Variants in PCDHGA4 observed in about 807,000 individuals in gnomAD.
The protein encoded by PCDHGA4 is protocadherin gamma-A4.
In PCDHGA4, 38 loss-of-function variants were observed where a neutral mutation model predicts 54.6. That is an observed-to-expected ratio of 0.70 (90% confidence interval 0.54 to 0.91). PCDHGA4 has a LOEUF of 0.91. Ranked by LOEUF, PCDHGA4 falls within the 40% of genes least tolerant of loss-of-function variation. The pLI is 0.00. For synonymous variants in PCDHGA4, 511 were observed against 512.9 expected (o/e 1.00, Z 0.05); for missense variants, 1,298 against 1,220.9 (o/e 1.06, Z -0.94).
intron 1 of PCDHGA4, chr5:141,372,459 C>CT: frequency 6.2e-7 from 1 of 1,614,070 alleles, no homozygotes; most frequent in South Asian, 1.1e-5. Context: ...GGCGGAGCTA[C>CT]AGTTTCACCT....
chr5:141,364,154 G>T (rs1052849617), intron 1 of PCDHGA4: 10 of 590,840 alleles, frequency 1.7e-5, no homozygotes, highest in Admixed American at 3.8e-5. Flanking sequence ...AGAAGCTGCC[G>T]CAGAGGCGAC....
At chr5:141,434,667 G>A (rs1464226862) in intron 1 of PCDHGA4, among the ~76,000 whole-genome samples, 5 of 151,956 alleles carry the variant, frequency 3.3e-5, no homozygotes, top group African/African-American at 1.2e-4. Context: ...CTATAGAAAT[G>A]ATGCTAATGA....
At chr5:141,500,221 TTTA>T (rs1428029040) in intron 2 of PCDHGA4, among the ~76,000 whole-genome samples, 2 of 151,002 alleles carry the variant, frequency 1.3e-5, no homozygotes, top group Non-Finnish European at 2.9e-5. Flanking sequence ...TATTTATTTA[TTTA>T]TTGATACGTA....
intron 1 of PCDHGA4, chr5:141,399,671 C>T (rs764084700): frequency 1.2e-6 from 2 of 1,613,512 alleles, no homozygotes; most frequent in East Asian, 4.5e-5. Flanking sequence ...GCGCAGCGCG[C>T]CTTTGACTAC....
chr5:141,393,360 C>T, intron 1 of PCDHGA4: 1 of 1,613,968 alleles, frequency 6.2e-7, no homozygotes, highest in Non-Finnish European at 8.5e-7. Flanking sequence ...CCTGGACGTG[C>T]AGACTGGAGA....
chr5:141,400,371 C>A, intron 1 of PCDHGA4: 1 of 1,614,056 alleles, frequency 6.2e-7, no homozygotes, highest in South Asian at 1.1e-5. Flanking sequence ...CTTATTCCTA[C>A]AACCTATGTG....
chr5:141,361,403 C>T (rs376882541), intron 1 of PCDHGA4: 1 of 1,614,050 alleles, frequency 6.2e-7, no homozygotes, highest in Non-Finnish European at 8.5e-7. Context: ...CTCACCATCA[C>T]AGCCACCGAC....
At chr5:141,376,160 C>G in intron 1 of PCDHGA4, 1 of 1,614,010 alleles carries the variant, frequency 6.2e-7, no homozygotes, top group South Asian at 1.1e-5. Context: ...CACTCTGTAC[C>G]TGGTGGTGGC....
intron 1 of PCDHGA4, among the ~76,000 whole-genome samples, chr5:141,382,440 G>T (rs1184288404): frequency 6.6e-6 from 1 of 152,174 alleles, no homozygotes; most frequent in Non-Finnish European, 1.5e-5. Flanking sequence ...TCACTTGAAA[G>T]TTGCAAGGCA....
chr5:141,380,982 T>A (rs1776910305), intron 1 of PCDHGA4, among the ~76,000 whole-genome samples: 3 of 152,248 alleles, frequency 2.0e-5, no homozygotes, highest in Non-Finnish European at 2.9e-5. Flanking sequence ...AAATAGAATT[T>A]AACTCCAGTT....
rs147506725 is a variant in PCDHGA4, at chr5:141,442,240, G to A, written c.2515-52567G>A. Reference sequence around the variant, plus strand: ...CTTTAATTTCCTTTTTATTCTTCCTGATTGCATTGTTTGTGCTGGTTTTAA... The same window carrying A: ...CTTTAATTTCCTTTTTATTCTTCCTAATTGCATTGTTTGTGCTGGTTTTAA... On this transcript the variant is annotated intron_variant, in intron 1 of 3. Transcript: ENST00000571252. 1,291 of 153,334 alleles carry A rather than the reference G, an allele frequency of 8.4e-3. 26 individuals carry two copies. The highest frequency in any genetic ancestry group is 0.029 in the African/African-American group (1,208 of 41,552). 9.5% of individuals were successfully genotyped at this position (153,334 alleles called of 1,614,324 possible).
chr5:141,490,142 C>T lies in PCDHGA4; in HGVS notation c.2515-4665C>T. On this transcript the variant is annotated intron_variant, in intron 1 of 3. Transcript: ENST00000571252. This position sits in a 1 kb window ranked among gnomAD's most constrained non-coding sequence, Gnocchi z 5.4. ...TTTGGCCTAGACCCTAGCAGTGGGG[C>T]AATCCATGTGTTGGGTCCCATAGAC... 2 of 1,614,220 alleles carry T rather than the reference C, an allele frequency of 1.2e-6. No individual in the cohort carries two copies. Among genetic ancestry groups the T allele is most frequent in the South Asian group, 1.1e-5 (1 of 91,088 alleles).
Position 141,355,405 on chromosome 5 carries a change from A to C in PCDHGA4, c.298A>C (p.Arg100=), listed in dbSNP as rs759129732. ...GGAGCGCGGAGTCCGCATCGTCTCC[A>C]GAGGTAGGACGCAGCTTTTCGCCCT... The part of the protein sequence containing the change: ...LAERGVRIVS[R]GRTQLFALNP... Residue 100 remains arginine (R), a synonymous_variant, in exon 1 of 4, where the codon AGA becomes CGA. Coordinates refer to ENST00000571252, the MANE Select transcript of PCDHGA4 (RefSeq NM_018917.4). 1 of 1,614,100 alleles carries C rather than the reference A, an allele frequency of 6.2e-7. No individual in the cohort carries two copies. The highest frequency in any genetic ancestry group is 8.5e-7 in the Non-Finnish European group (1 of 1,179,928).
chr5:141,390,210 G>T, intron 1 of PCDHGA4: 1 of 1,614,046 alleles, frequency 6.2e-7, no homozygotes, highest in Non-Finnish European at 8.5e-7. Context: ...TTCAGGACAA[G>T]ACATACTTTG....
In PCDHGA4 at chr5:141,485,944, G is replaced by A; in HGVS notation, c.2515-8863G>A. 1.2e-6 allele frequency: 2 copies of A among 1,614,116 alleles called. No homozygotes were observed. The highest frequency in any genetic ancestry group is 1.7e-6 in the Non-Finnish European group (2 of 1,180,020). ...TTAGTGTGTTGGAGAGCGCACCAGC[G>A]GGCATGGTGCTCATCCAGCTCAATG... On this transcript the variant is annotated intron_variant, in intron 1 of 3. Coordinates refer to ENST00000571252, the MANE Select transcript of PCDHGA4 (RefSeq NM_018917.4). This position sits in a 1 kb window ranked among gnomAD's most constrained non-coding sequence, Gnocchi z 5.7.
chr5:141,499,479 C>T (rs1019775735), intron 2 of PCDHGA4, among the ~76,000 whole-genome samples: 1 of 152,146 alleles, frequency 6.6e-6, no homozygotes. Context: ...AGAACCACCA[C>T]CAACTACAGT....
intron 1 of PCDHGA4, chr5:141,384,141 ACT>A (rs765902130): frequency 2.4e-5 from 38 of 1,612,656 alleles, no homozygotes; most frequent in Admixed American, 1.8e-4. Context: ...ACCGGGAAAC[ACT>A]CTCTTTGTAT....
chr5:141,455,314 T>G (rs565911988), intron 1 of PCDHGA4, among the ~76,000 whole-genome samples: 15 of 152,208 alleles, frequency 9.9e-5, no homozygotes, highest in African/African-American at 3.4e-4. Flanking sequence ...ATTAGCAATT[T>G]TGTGTGTGTG....
At chr5:141,399,048 G>T (rs779434482) in intron 1 of PCDHGA4, 1 of 1,613,830 alleles carries the variant, frequency 6.2e-7, no homozygotes, top group East Asian at 2.2e-5. Context: ...ATTTTGAAGA[G>T]ACCAAGGAAT....
Sources: gnomAD v4.1 joint callset for allele counts (sites outside exome capture counted in the v4.1 genomes callset) on GRCh38, gnomAD v4.1.1 for gene constraint, Gnocchi (gnomAD v3.1) non-coding constraint, MANE v1.5 for transcripts, NCBI Gene and HGNC (gene_info 2026-07-23, HGNC 2026-07-21) for gene names.